ARHGAP25: variants seen among roughly 807,000 people sequenced by gnomAD.
ARHGAP25 encodes Rho GTPase activating protein 25.
A neutral mutation model predicts 71.0 loss-of-function variants in ARHGAP25; 34 were observed. The observed-to-expected ratio is 0.48, with a 90% CI of 0.36 to 0.64. The LOEUF (loss-of-function observed/expected upper bound fraction) is 0.64. Ranked by LOEUF, ARHGAP25 falls within the 30% of genes least tolerant of loss-of-function variation. The pLI, the probability that ARHGAP25 is intolerant of heterozygous loss-of-function variation, is 0.00. For missense variants in ARHGAP25, 706 were observed against 805.1 expected, an observed-to-expected ratio of 0.88 and a Z score of 1.49; for synonymous variants, 282 against 296.5, an observed-to-expected ratio of 0.95 and a Z score of 0.50.
chr2:68,748,659 A>G (rs1346639844), intron 1 of ARHGAP25, among the ~76,000 whole-genome samples: 2 of 152,136 alleles, frequency 1.3e-5, no homozygotes, highest in South Asian at 4.1e-4. Flanking sequence ...CTTATTAGTG[A>G]TTGAACAACA....
chr2:68,801,139 T>G (rs1033731379), intron 4 of ARHGAP25, among the ~76,000 whole-genome samples: 1 of 152,166 alleles, frequency 6.6e-6, no homozygotes, highest in East Asian at 1.9e-4. Flanking sequence ...TTTTCTCTCA[T>G]GTAAGAAGTG....
In ARHGAP25 at chr2:68,826,185, C is replaced by T. The variant is rs771395000; in HGVS notation, c.1932C>T (p.Thr644=). Residue 644 remains threonine, a synonymous_variant, in exon 11 of 11, where the codon ACC becomes ACT. Transcript: ENST00000409202. ...EFVKSMKEPK[T]EA ...TCAAATCCATGAAGGAACCCAAGAC[C>T]GAGGCTTAAGGGTCCCAGGAGTACT... 5.0e-6 allele frequency: 8 copies of T among 1,614,000 alleles called. No homozygotes were observed. The highest frequency in any genetic ancestry group is 3.3e-5 in the Admixed American group (2 of 59,998).
chr2:68,780,707 T>A (rs1000667703), intron 2 of ARHGAP25, among the ~76,000 whole-genome samples: 4 of 152,046 alleles, frequency 2.6e-5, no homozygotes, highest in African/African-American at 9.7e-5. Flanking sequence ...CTCCTCCTCT[T>A]CCTTCTTGTC....
At chr2:68,729,840 C>A (rs1434165280), upstream of ARHGAP25, among the ~76,000 whole-genome samples, 1 of 152,186 alleles carries the variant, frequency 6.6e-6, no homozygotes, top group Non-Finnish European at 1.5e-5. Context: ...CATAGCAAAC[C>A]TTAGTATAAG....
At chr2:68,737,065 TAAG>T (rs1675260439) in intron 1 of ARHGAP25, among the ~76,000 whole-genome samples, 1 of 152,064 alleles carries the variant, frequency 6.6e-6, no homozygotes, top group African/African-American at 2.4e-5. Context: ...AAAATAATAA[TAAG>T]GACATAATGA....
chr2:68,747,597 C>T (rs1675916889), intron 1 of ARHGAP25, among the ~76,000 whole-genome samples: 1 of 152,208 alleles, frequency 6.6e-6, no homozygotes, highest in Non-Finnish European at 1.5e-5. Flanking sequence ...GCTCCAACGT[C>T]TCTTCTGGGT....
chr2:68,783,467 T>G (rs1678499198), intron 3 of ARHGAP25, among the ~76,000 whole-genome samples: 1 of 145,122 alleles, frequency 6.9e-6, no homozygotes, highest in African/African-American at 2.5e-5. Flanking sequence ...TTTGTTTTTG[T>G]TTTTTTTTTT....
intron 1 of ARHGAP25, among the ~76,000 whole-genome samples, chr2:68,756,789 CCACT>C (rs1558617122): frequency 6.6e-6 from 1 of 151,994 alleles, no homozygotes; most frequent in South Asian, 2.1e-4. Flanking sequence ...AACGTATGGC[CCACT>C]CAAAGGGGAA....
At chr2:68,800,670 C>T (rs1679902528) in intron 4 of ARHGAP25, among the ~76,000 whole-genome samples, 1 of 152,102 alleles carries the variant, frequency 6.6e-6, no homozygotes, top group Non-Finnish European at 1.5e-5. Flanking sequence ...TATAGAATCA[C>T]AGGGTAAATA....
At chr2:68,739,898 T>C (rs916417885) in intron 1 of ARHGAP25, among the ~76,000 whole-genome samples, 1 of 151,718 alleles carries the variant, frequency 6.6e-6, no homozygotes, top group African/African-American at 2.4e-5. Context: ...AAACCAAAAG[T>C]CACTTTGCAA....
intron 2 of ARHGAP25, among the ~76,000 whole-genome samples, chr2:68,713,986 G>A (rs985335110): frequency 4.6e-5 from 7 of 152,212 alleles, no homozygotes; most frequent in African/African-American, 7.2e-5. Context: ...GTATCAGGAT[G>A]ATGCTAGCCT....
chr2:68,723,078 A>C (rs772338104), intron 2 of ARHGAP25, among the ~76,000 whole-genome samples: 81 of 152,154 alleles, frequency 5.3e-4, no homozygotes, highest in Non-Finnish European at 1.0e-3. Flanking sequence ...ATTTAGATGC[A>C]CCGGTAATGG....
At chr2:68,754,308 GCTTT>G (rs569466416) in intron 1 of ARHGAP25, among the ~76,000 whole-genome samples, 274 of 4,932 alleles carry the variant, frequency 0.056, no homozygotes, top group African/African-American at 0.23. Flanking sequence ...CTGTTCCTAT[GCTTT>G]TGCTTTTTTC....
chr2:68,781,411 T>C (rs1029831282), intron 2 of ARHGAP25, among the ~76,000 whole-genome samples: 1 of 151,728 alleles, frequency 6.6e-6, no homozygotes, highest in Admixed American at 6.6e-5. Context: ...AAAAGAATTA[T>C]CCCAAGTGAA....
intron 1 of ARHGAP25, among the ~76,000 whole-genome samples, chr2:68,745,499 A>C (rs1675761206): frequency 6.6e-6 from 1 of 152,132 alleles, no homozygotes; most frequent in Non-Finnish European, 1.5e-5. Flanking sequence ...ATGCACCCTT[A>C]AATTCTCTGG....
chr2:68,743,667 T>C (rs1243384006), intron 1 of ARHGAP25, among the ~76,000 whole-genome samples: 1 of 152,134 alleles, frequency 6.6e-6, no homozygotes, highest in Non-Finnish European at 1.5e-5. Context: ...TCACCTCCAG[T>C]CCATTCTCAG....
Position 68,755,220 on chromosome 2 carries a change from G to A in ARHGAP25, c.61+19960G>A, listed in dbSNP as rs569476237. Among the ~76,000 whole-genome samples, 18 of 151,888 alleles carry A rather than the reference G, an allele frequency of 1.2e-4. No homozygotes were observed. In the South Asian group the frequency reaches 3.5e-3, roughly 30 times the overall value. On this transcript the variant is annotated intron_variant, in intron 1 of 10. Coordinates refer to ENST00000409202, the MANE Select transcript of ARHGAP25 (RefSeq NM_001007231.3). ...CATTTTCTTTTATTTTTTCTCTCCAGCACTGCCCACATGAACACACCCACA... is the reference window on the plus strand; with the variant it reads ...CATTTTCTTTTATTTTTTCTCTCCAACACTGCCCACATGAACACACCCACA...
At chr2:68,754,064 A>G (rs1366613317) in intron 1 of ARHGAP25, among the ~76,000 whole-genome samples, 2 of 151,866 alleles carry the variant, frequency 1.3e-5, no homozygotes, top group African/African-American at 4.8e-5. Context: ...CACCATGCCC[A>G]GCTAATTTTT....
At chr2:68,823,556 A>G (rs1331575841) in intron 10 of ARHGAP25, among the ~76,000 whole-genome samples, 1 of 152,194 alleles carries the variant, frequency 6.6e-6, no homozygotes, top group Non-Finnish European at 1.5e-5. Context: ...ATGAGAAAAG[A>G]GCAGTCCCCC....
Sources: allele counts gnomAD v4.1 joint callset (sites outside exome capture counted in the v4.1 genomes callset), GRCh38; gene constraint gnomAD v4.1.1; transcripts MANE v1.5; gene names NCBI Gene and HGNC (gene_info 2026-07-23, HGNC 2026-07-21).